Variants in PLEKHA5 observed in about 807,000 individuals in gnomAD.
PLEKHA5 encodes the protein pleckstrin homology domain containing A5.
PLEKHA5 carries 55 observed loss-of-function variants against 181.9 expected under a neutral mutation model. The ratio of observed to expected loss-of-function variants is 0.30; its 90% CI spans 0.24 to 0.38. PLEKHA5 has a LOEUF of 0.38. Among genes scored for constraint, PLEKHA5 ranks in the 10% least tolerant of loss-of-function variants. PLEKHA5 has a pLI of 1.00. For synonymous variants in PLEKHA5, 535 were observed against 529.4 expected (o/e 1.01, Z -0.15); for missense variants, 1,432 against 1,549.5 (o/e 0.92, Z 1.27).
intron 15 of PLEKHA5, among the ~76,000 whole-genome samples, chr12:19,304,646 A>G (rs967733343): frequency 2.0e-5 from 3 of 152,314 alleles, no homozygotes; most frequent in Admixed American, 6.5e-5. Flanking sequence ...AGACAAAAAC[A>G]AAGTACAATA....
At chr12:19,327,905 A>G (rs1485018042) in intron 20 of PLEKHA5, among the ~76,000 whole-genome samples, 7 of 152,248 alleles carry the variant, frequency 4.6e-5, no homozygotes, top group Non-Finnish European at 7.4e-5. Context: ...TTGGTCTCCC[A>G]TAATACTGGG....
At chr12:19,316,441 G>A (rs1186477115) in intron 16 of PLEKHA5, among the ~76,000 whole-genome samples, 1 of 151,434 alleles carries the variant, frequency 6.6e-6, no homozygotes, top group Admixed American at 6.6e-5. Flanking sequence ...GGGGGGGAAA[G>A]TGAAGATGTC....
intron 3 of PLEKHA5, among the ~76,000 whole-genome samples, chr12:19,180,969 C>T (rs1035715026): frequency 1.3e-5 from 2 of 149,498 alleles, no homozygotes; most frequent in East Asian, 2.0e-4. Context: ...CCACAGTGCA[C>T]AGTCAGCATT....
At chr12:19,358,178 T>A in intron 26 of PLEKHA5, 50 bp from the exon 27 acceptor site, 1 of 1,240,448 alleles carries the variant, frequency 8.1e-7, no homozygotes, top group Non-Finnish European at 1.2e-6. Flanking sequence ...TCCATCATAC[T>A]TTTCAGAAGT....
rs2090453232 is a variant in PLEKHA5, at chr12:19,320,789, T to C, written c.2217+165T>C. The C allele has an allele frequency of 3.3e-5, 14 of 420,802 alleles. No individual in the cohort carries two copies. The South Asian group carries it at 8.4e-4, about 25-fold the overall frequency. 26.1% of individuals were successfully genotyped at this position (420,802 alleles called of 1,614,324 possible). ...CTCTAAATTATTATTCCCTGCCCTC[T>C]ACGTCCCACTGCTCCCTATTGTTAG... On this transcript the variant is annotated intron_variant, in intron 18 of 31. Coordinates refer to ENST00000429027, the MANE Select transcript of PLEKHA5 (RefSeq NM_001256470.2).
chr12:19,293,664 G>C (rs950836107), intron 15 of PLEKHA5, among the ~76,000 whole-genome samples: 2 of 148,546 alleles, frequency 1.3e-5, no homozygotes, highest in African/African-American at 5.0e-5. Context: ...AAACCTTGTG[G>C]TTTACTGTAA....
chr12:19,141,646 C>T (rs1255552779), intron 3 of PLEKHA5, among the ~76,000 whole-genome samples: 1 of 152,138 alleles, frequency 6.6e-6, no homozygotes, highest in Non-Finnish European at 1.5e-5. Flanking sequence ...ATGGTTCAGG[C>T]CAGGACCAGG....
chr12:19,177,409 T>G (rs1216536022), intron 3 of PLEKHA5, among the ~76,000 whole-genome samples: 1 of 152,132 alleles, frequency 6.6e-6, no homozygotes, highest in African/African-American at 2.4e-5. Context: ...GTAATCCTCA[T>G]AACAGAACAT....
At chr12:19,356,529 A>G (rs1461922862) in intron 26 of PLEKHA5, among the ~76,000 whole-genome samples, 1 of 152,058 alleles carries the variant, frequency 6.6e-6, no homozygotes, top group Non-Finnish European at 1.5e-5. Context: ...ATAAATACAT[A>G]AATAAATAAA....
intron 3 of PLEKHA5, chr12:19,176,685 A>T (rs1258337346): frequency 6.6e-6 from 1 of 152,152 alleles, no homozygotes; most frequent in Non-Finnish European, 1.5e-5. Flanking sequence ...TAGGTATAGG[A>T]AAGAAAACTG....
chr12:19,256,379 A>G (rs1251827512), intron 5 of PLEKHA5, among the ~76,000 whole-genome samples: 2 of 152,182 alleles, frequency 1.3e-5, no homozygotes, highest in Non-Finnish European at 2.9e-5. Flanking sequence ...TTTCAGAAAA[A>G]TACTCATTAA....
intron 3 of PLEKHA5, among the ~76,000 whole-genome samples, chr12:19,215,239 C>T (rs2057732968): frequency 6.6e-6 from 1 of 152,062 alleles, no homozygotes; most frequent in African/African-American, 2.4e-5. Context: ...TTTTGCACTA[C>T]TTGGAACTTC....
Position 19,278,104 on chromosome 12 carries a change from G to C in PLEKHA5, c.1313+3121G>C, listed in dbSNP as rs191548593. Among the ~76,000 whole-genome samples, 5 of 152,310 alleles carry C rather than the reference G, an allele frequency of 3.3e-5. No homozygotes were observed. In the East Asian group the frequency reaches 9.6e-4, roughly 29 times the overall value. ...AGTTTTGAAAAACAGGTCTCAAAGT[G>C]CTAGAAATATATGGGATAAAAATAA... On this transcript the variant is annotated intron_variant, in intron 11 of 31. Transcript: ENST00000429027.
chr12:19,189,987 T>G (rs972425868), intron 3 of PLEKHA5, among the ~76,000 whole-genome samples: 16 of 152,214 alleles, frequency 1.1e-4, no homozygotes, highest in Non-Finnish European at 1.6e-4. Context: ...CCAAAGACAT[T>G]AATTTGTTTC....
intron 3 of PLEKHA5, among the ~76,000 whole-genome samples, chr12:19,223,535 A>T (rs930279964): frequency 9.2e-5 from 14 of 152,068 alleles, no homozygotes; most frequent in Non-Finnish European, 1.9e-4. Context: ...TTCTTTGTAC[A>T]GGTTTAATTT....
intron 3 of PLEKHA5, among the ~76,000 whole-genome samples, chr12:19,244,768 A>T (rs2063344881): frequency 6.6e-6 from 1 of 152,196 alleles, no homozygotes; most frequent in African/African-American, 2.4e-5. Flanking sequence ...TTTCAACGAT[A>T]TTACCATGGT....
intron 3 of PLEKHA5, among the ~76,000 whole-genome samples, chr12:19,182,288 C>A (rs542556670): frequency 6.6e-6 from 1 of 152,040 alleles, no homozygotes; most frequent in Non-Finnish European, 1.5e-5. Flanking sequence ...CAAGCGATTT[C>A]TTTCTTTCTT....
chr12:19,357,131 GC>G (rs1393091431), intron 26 of PLEKHA5, among the ~76,000 whole-genome samples: 1 of 152,040 alleles, frequency 6.6e-6, no homozygotes, highest in East Asian at 1.9e-4. Flanking sequence ...TAGACACTGT[GC>G]CCCTGCTTTT....
chr12:19,193,181 G>A (rs931466588), intron 3 of PLEKHA5, among the ~76,000 whole-genome samples: 1 of 152,192 alleles, frequency 6.6e-6, no homozygotes, highest in Non-Finnish European at 1.5e-5. Flanking sequence ...TTAAACATAA[G>A]AGGGTGCAAT....
Sources: allele counts gnomAD v4.1 joint callset (sites outside exome capture counted in the v4.1 genomes callset), GRCh38; gene constraint gnomAD v4.1.1; transcripts MANE v1.5; gene names NCBI Gene and HGNC (gene_info 2026-07-23, HGNC 2026-07-21).